The following CLOCK variants were observed in gnomAD, a reference collection of about 807,000 sequenced individuals.
CLOCK encodes the protein circadian locomoter output cycles protein kaput.
Under a neutral mutation model 118.4 loss-of-function variants are expected in CLOCK, and 43 were observed. The observed-to-expected ratio is 0.36, with a 90% CI of 0.28 to 0.47. The LOEUF is 0.47. Among genes scored for constraint, CLOCK ranks in the 20% least tolerant of loss-of-function variants. The pLI, the probability that CLOCK is intolerant of heterozygous loss-of-function variation, is 1.00. For missense variants in CLOCK, 846 were observed against 999.9 expected (o/e 0.85, Z 2.08); for synonymous variants, 326 against 339.2 (o/e 0.96, Z 0.43).
intron 18 of CLOCK, among the ~76,000 whole-genome samples, chr4:55,445,582 C>CTTTTTTTTTTTTCTTTTTTTTTTTT (rs1723749556): frequency 1.5e-5 from 1 of 68,574 alleles, no homozygotes; most frequent in African/African-American, 5.4e-5. Flanking sequence ...TTTCTATATT[C>CTTTTTTTTTTTTCTTTTTTTTTTTT]TTTTTTTTTT....
rs1443370558 is a variant in CLOCK, at chr4:55,433,070, CAATA to C, written c.*2341_*2344del. 6.6e-6 allele frequency: 1 copy of C among 152,424 alleles called. No individual in the cohort carries two copies. Among genetic ancestry groups the C allele is most frequent in the African/African-American group, 2.4e-5 (1 of 41,356 alleles). 9.4% of individuals were successfully genotyped at this position (152,424 alleles called of 1,614,324 possible). ...CTAAATCCGTATCACTAGGTATTGCCAATAAATAAATGAGGCACAACTCAGATAT... is the reference window on the plus strand; with the variant it reads ...CTAAATCCGTATCACTAGGTATTGCCAATAAATGAGGCACAACTCAGATAT... On this transcript the variant is annotated 3_prime_UTR_variant, in exon 23 of 23. Coordinates refer to ENST00000513440, the MANE Select transcript of CLOCK (RefSeq NM_004898.4).
intron 18 of CLOCK, 127 bp from the exon 19 acceptor site, chr4:55,444,912 C>T (rs1039864215): frequency 1.5e-5 from 14 of 955,708 alleles, no homozygotes; most frequent in Middle Eastern, 3.0e-4. Flanking sequence ...TAGTTATGTC[C>T]CTTAGTTTCT....
intron 9 of CLOCK, among the ~76,000 whole-genome samples, chr4:55,460,546 C>T (rs946458163): frequency 6.6e-6 from 1 of 152,156 alleles, no homozygotes; most frequent in Non-Finnish European, 1.5e-5. Context: ...TCATGAAGAC[C>T]TGCTACTTAT....
At position 55,523,348 on chromosome 4, in the gene CLOCK, A is replaced by G. The variant is rs572136446; in HGVS notation, c.-289-13283T>C. Reference sequence around the variant, plus strand: ...ACAAACGGACAAATGTAGAACTCTCACTTGTGACCAAAGAGTAGCTAGAGT... The same window carrying G: ...ACAAACGGACAAATGTAGAACTCTCGCTTGTGACCAAAGAGTAGCTAGAGT... On this transcript the variant is annotated intron_variant, in intron 1 of 22. Transcript: ENST00000513440. Among the ~76,000 whole-genome samples, 4 of 152,272 alleles carry G rather than the reference A, an allele frequency of 2.6e-5. No homozygotes were observed. In the East Asian group the frequency reaches 7.7e-4, roughly 29 times the overall value.
At chr4:55,507,791 T>G (rs1313947676) in intron 2 of CLOCK, among the ~76,000 whole-genome samples, 3 of 152,168 alleles carry the variant, frequency 2.0e-5, no homozygotes, top group African/African-American at 7.2e-5. Flanking sequence ...TACCTTGTTC[T>G]TTCACTGGAC....
chr4:55,519,585 G>A (rs1190723227), intron 1 of CLOCK, among the ~76,000 whole-genome samples: 1 of 151,972 alleles, frequency 6.6e-6, no homozygotes, highest in Non-Finnish European at 1.5e-5. Context: ...TGAGGCATTC[G>A]AGACCAGCCT....
chr4:55,470,618 G>A lies in CLOCK; in HGVS notation c.438+99C>T, dbSNP rs188718037. On this transcript the variant is annotated intron_variant, in intron 8 of 22. Coordinates refer to ENST00000513440, the MANE Select transcript of CLOCK (RefSeq NM_004898.4). ...GAGCTCTGATTCCTACCCCTTTAAC[G>A]ACTGTTGTACACTGCTCTCAAAGTC... is the stretch of plus-strand genomic sequence containing the variant. The A allele has an allele frequency of 6.3e-4, 503 of 800,886 alleles. 1 individual carries two copies. Among genetic ancestry groups the A allele is most frequent in the Non-Finnish European group, 5.9e-4 (279 of 470,388 alleles). The allele number at this position is 800,886 out of a possible 1,614,324, so 49.6% of individuals were successfully genotyped here. A position where few individuals can be genotyped will look rare whatever the true frequency, so the allele number is the denominator to read the frequency against.
chr4:55,527,780 T>C (rs778905304), intron 1 of CLOCK, among the ~76,000 whole-genome samples: 2 of 152,092 alleles, frequency 1.3e-5, no homozygotes, highest in Non-Finnish European at 2.9e-5. Context: ...TGGTGGCTCA[T>C]ACCTGTAATC....
intron 16 of CLOCK, 42 bp downstream of exon 16, chr4:55,450,049 A>G: frequency 6.2e-7 from 1 of 1,609,366 alleles, no homozygotes; most frequent in Non-Finnish European, 8.5e-7. Context: ...AAGTTTAGTT[A>G]GTTACTTTAA....
intron 1 of CLOCK, among the ~76,000 whole-genome samples, chr4:55,513,099 A>T (rs1322405478): frequency 6.6e-6 from 1 of 152,158 alleles, no homozygotes; most frequent in African/African-American, 2.4e-5. Flanking sequence ...CTTCACATTC[A>T]ATCATCACTC....
chr4:55,510,855 AG>A (rs1319410101), intron 1 of CLOCK, among the ~76,000 whole-genome samples: 1 of 152,192 alleles, frequency 6.6e-6, no homozygotes, highest in African/African-American at 2.4e-5. Flanking sequence ...GAAATGAGAA[AG>A]GGCATTTCCT....
chr4:55,534,211 G>A (rs1178401399), intron 1 of CLOCK, among the ~76,000 whole-genome samples: 1 of 152,138 alleles, frequency 6.6e-6, no homozygotes, highest in African/African-American at 2.4e-5. Context: ...CTTGAAACGA[G>A]TGCTTATTCT....
rs968656185 is a variant in CLOCK at position 55,433,144 on chromosome 4, A to G, written c.*2271T>C. 1.3e-5 allele frequency: 2 copies of G among 152,642 alleles called. No homozygotes were observed. The highest frequency in any genetic ancestry group is 1.3e-4 in the Admixed American group (2 of 15,272). The allele number at this position is 152,642 out of a possible 1,614,324, so 9.5% of individuals were successfully genotyped here. ...CAAGAAAGGCAATTTGAAAGGGGAGAAGAACAATGCTATTGCCATATTCCA... is the reference window on the plus strand; with the variant it reads ...CAAGAAAGGCAATTTGAAAGGGGAGGAGAACAATGCTATTGCCATATTCCA... On this transcript the variant is annotated 3_prime_UTR_variant, in exon 23 of 23. Transcript: ENST00000513440.
At chr4:55,501,059 G>A (rs1466139506) in intron 2 of CLOCK, among the ~76,000 whole-genome samples, 1 of 152,052 alleles carries the variant, frequency 6.6e-6, no homozygotes, top group East Asian at 1.9e-4. Flanking sequence ...TTGCTATGTT[G>A]CCCAGGCTGA....
At chr4:55,509,695 G>A (rs187885014) in intron 2 of CLOCK, among the ~76,000 whole-genome samples, 5 of 152,274 alleles carry the variant, frequency 3.3e-5, no homozygotes, top group Admixed American at 2.0e-4. Context: ...TTCAGGAATT[G>A]CTAAAATACT....
Position 55,429,297 on chromosome 4 carries a change from C to T in CLOCK, c.*6118G>A, listed in dbSNP as rs145175576. 2.6e-5 allele frequency: 4 copies of T among 152,272 alleles called. No homozygotes were observed. Among genetic ancestry groups the T allele is most frequent in the South Asian group, 4.1e-4 (2 of 4,830 alleles). 9.4% of individuals were successfully genotyped at this position (152,272 alleles called of 1,614,324 possible). A position where few individuals can be genotyped will look rare whatever the true frequency, so the allele number is the denominator to read the frequency against. The stretch of plus-strand genomic sequence containing the variant: ...GATCATTAAATTCAATTGTGGTTGA[C>T]GTGCTTTAACTACCGTTCTCTAAGT... On this transcript the variant is annotated 3_prime_UTR_variant, in exon 23 of 23. Transcript: ENST00000513440.
chr4:55,528,419 C>A (rs577893430), intron 1 of CLOCK, among the ~76,000 whole-genome samples: 4 of 152,054 alleles, frequency 2.6e-5, no homozygotes, highest in Non-Finnish European at 5.9e-5. Flanking sequence ...TTCATCCCCC[C>A]CTCACTGCCT....
intron 21 of CLOCK, 28 bp from the exon 22 acceptor site, chr4:55,438,565 G>A (rs769901273): frequency 3.1e-6 from 5 of 1,612,130 alleles, no homozygotes; most frequent in Non-Finnish European, 4.2e-6. Flanking sequence ...GAAAAAAATT[G>A]GAGTCCAAAG....
chr4:55,508,752 C>T (rs1012501371), intron 2 of CLOCK, among the ~76,000 whole-genome samples: 1 of 152,100 alleles, frequency 6.6e-6, no homozygotes, highest in Admixed American at 6.5e-5. Flanking sequence ...GCCACCACGC[C>T]TGGCTAATTG....
Sources: allele counts gnomAD v4.1 joint callset (sites outside exome capture counted in the v4.1 genomes callset), GRCh38; gene constraint gnomAD v4.1.1; transcripts MANE v1.5; gene names NCBI Gene and HGNC (gene_info 2026-07-23, HGNC 2026-07-21).